The following ITPR2 variants were observed in gnomAD, a reference collection of about 807,000 sequenced individuals.
ITPR2 encodes inositol 1,4,5-trisphosphate-gated calcium channel ITPR2.
A neutral mutation model predicts 317.1 loss-of-function variants in ITPR2; 207 were observed. That is an observed-to-expected ratio of 0.65 (90% confidence interval 0.58 to 0.73). ITPR2 has a LOEUF of 0.73. Ranked by LOEUF, ITPR2 falls within the 30% of genes least tolerant of loss-of-function variation. The pLI, the probability that ITPR2 is intolerant of heterozygous loss-of-function variation, is 0.00. For missense variants in ITPR2, 2,613 were observed against 3,284.0 expected (o/e 0.80, Z 4.99); for synonymous variants, 1,156 against 1,149.1 (o/e 1.01, Z -0.12).
At chr12:26,468,571 A>G (rs1247299566) in intron 45 of ITPR2, among the ~76,000 whole-genome samples, 28 of 151,596 alleles carry the variant, frequency 1.8e-4, no homozygotes, top group Admixed American at 1.3e-4. Flanking sequence ...AGAAACAGAA[A>G]AAAAAAAAAA....
chr12:26,488,971 G>A (rs1942734716), intron 39 of ITPR2, among the ~76,000 whole-genome samples: 1 of 152,110 alleles, frequency 6.6e-6, no homozygotes, highest in African/African-American at 2.4e-5. Context: ...CTAGTAAGGG[G>A]TAGAGCTAGG....
intron 37 of ITPR2, among the ~76,000 whole-genome samples, chr12:26,535,541 G>A (rs1944066456): frequency 6.6e-6 from 1 of 152,188 alleles, no homozygotes; most frequent in South Asian, 2.1e-4. Context: ...TGGTTCTAAA[G>A]TTTATAGCTT....
At chr12:26,574,907 G>T (rs550795353) in intron 34 of ITPR2, among the ~76,000 whole-genome samples, 10 of 151,994 alleles carry the variant, frequency 6.6e-5, no homozygotes, top group Admixed American at 2.6e-4. Flanking sequence ...GACCATTCAT[G>T]ACAGATCTGT....
chr12:26,391,718 C>T (rs1939855952), intron 54 of ITPR2, among the ~76,000 whole-genome samples: 1 of 151,806 alleles, frequency 6.6e-6, no homozygotes, highest in African/African-American at 2.4e-5. Flanking sequence ...GAATGTGCCA[C>T]CACGCCCAAT....
rs1945342295 is a variant in ITPR2 at position 26,579,346 on chromosome 12, A to G, written c.4510-513T>C. On this transcript the variant is annotated intron_variant, in intron 33 of 56. Coordinates refer to ENST00000381340, the MANE Select transcript of ITPR2 (RefSeq NM_002223.4). ...TCACTGTAGAATATTTGTGGACCAC[A>G]GAAATGAAAATCATCAAGAATGCTA... Among the ~76,000 whole-genome samples, 3 of 152,234 alleles carry G rather than the reference A, an allele frequency of 2.0e-5. No homozygotes were observed. The South Asian group carries it at 6.2e-4, about 31-fold the overall frequency.
chr12:26,596,363 T>C (rs1167309815), intron 31 of ITPR2, among the ~76,000 whole-genome samples: 2 of 152,216 alleles, frequency 1.3e-5, no homozygotes, highest in African/African-American at 2.4e-5. Context: ...AAGTTTCTCA[T>C]AGGCTGGCTG....
intron 3 of ITPR2, 39 bp downstream of exon 3, chr12:26,725,611 G>T: frequency 1.5e-6 from 2 of 1,344,346 alleles, no homozygotes; most frequent in Non-Finnish European, 2.1e-6. Context: ...TGCTGTACTT[G>T]GTTAGCCTAA....
rs572555076 is a variant in ITPR2, at chr12:26,442,389, T to C, written c.6450+1154A>G. On this transcript the variant is annotated intron_variant, in intron 46 of 56. Transcript: ENST00000381340. ...AGAGAGTAAGTGCTCAGTAAACATG[T>C]ACTGAATGTGTGTATTTATAGCTAA... is the stretch of plus-strand genomic sequence containing the variant. Among the ~76,000 whole-genome samples the C allele has an allele frequency of 3.1e-4, 47 of 152,288 alleles. No individual in the cohort carries two copies. The South Asian group carries it at 5.2e-3, about 17-fold the overall frequency.
intron 52 of ITPR2, chr12:26,400,722 G>A (rs1251970186): frequency 6.6e-6 from 1 of 152,336 alleles, no homozygotes; most frequent in Non-Finnish European, 1.5e-5. Context: ...GTTATGGTAG[G>A]AAGAGATTGT....
intron 2 of ITPR2, among the ~76,000 whole-genome samples, chr12:26,761,085 C>T (rs115750920): frequency 0.017 from 2,598 of 152,248 alleles, 77 homozygotes; most frequent in African/African-American, 0.06. Context: ...CCCATGGTTA[C>T]AGGTTTCAAG....
At chr12:26,587,917 G>T (rs1017979365) in intron 32 of ITPR2, among the ~76,000 whole-genome samples, 1 of 152,216 alleles carries the variant, frequency 6.6e-6, no homozygotes, top group African/African-American at 2.4e-5. Context: ...GTGTTCAGGA[G>T]TAGTCAAATT....
chr12:26,494,676 A>G (rs1942891613), intron 38 of ITPR2, among the ~76,000 whole-genome samples: 2 of 146,654 alleles, frequency 1.4e-5, no homozygotes, highest in South Asian at 4.5e-4. Flanking sequence ...AGGCTGAGGC[A>G]GGAGAATTGC....
chr12:26,346,795 G>A (rs943718876), intron 55 of ITPR2, among the ~76,000 whole-genome samples: 1 of 152,108 alleles, frequency 6.6e-6, no homozygotes, highest in Non-Finnish European at 1.5e-5. Context: ...GATATAAGGA[G>A]GAAGAAAGCC....
intron 2 of ITPR2, among the ~76,000 whole-genome samples, chr12:26,769,119 C>G (rs1949794702): frequency 6.6e-6 from 1 of 152,110 alleles, no homozygotes; most frequent in Non-Finnish European, 1.5e-5. Flanking sequence ...GCATAAGTCT[C>G]TCTTTGCAGG....
Position 26,630,439 on chromosome 12 carries a change from TGGG to T in ITPR2, c.2934+1424_2934+1426del, listed in dbSNP as rs550291307. On this transcript the variant is annotated intron_variant, in intron 22 of 56. Coordinates refer to ENST00000381340, the MANE Select transcript of ITPR2 (RefSeq NM_002223.4). Reference sequence around the variant, plus strand: ...AGGCTGAGAGAGATACACAAAGTGATGGGGGGGAAAAAAAAAAAGAAGACCCAG... The same window carrying T: ...AGGCTGAGAGAGATACACAAAGTGATGGGGAAAAAAAAAAAGAAGACCCAG... 7.9e-3 allele frequency among the ~76,000 whole-genome samples: 1,037 copies of T among 130,654 alleles called. 11 individuals carry two copies. Among genetic ancestry groups the T allele is most frequent in the African/African-American group, 0.027 (953 of 35,618 alleles). 85.7% of individuals were successfully genotyped at this position (130,654 alleles called of 152,430 possible). A position where few individuals can be genotyped will look rare whatever the true frequency, so the allele number is the denominator to read the frequency against.
intron 45 of ITPR2, among the ~76,000 whole-genome samples, chr12:26,444,520 G>C (rs1291979949): frequency 6.6e-6 from 1 of 152,088 alleles, no homozygotes; most frequent in East Asian, 1.9e-4. Context: ...AGCACTTCAA[G>C]TACATGATCT....
chr12:26,614,398 A>G (rs1946332422), intron 26 of ITPR2, among the ~76,000 whole-genome samples: 1 of 152,198 alleles, frequency 6.6e-6, no homozygotes, highest in Non-Finnish European at 1.5e-5. Flanking sequence ...ATGTGGTCTC[A>G]GGCTAGCAGC....
intron 55 of ITPR2, among the ~76,000 whole-genome samples, chr12:26,359,357 A>T (rs1486882539): frequency 1.3e-5 from 2 of 152,230 alleles, no homozygotes; most frequent in Non-Finnish European, 2.9e-5. Flanking sequence ...GGCATCATCC[A>T]AATGAGAGGA....
At chr12:26,602,294 T>C (rs1714426812) in intron 28 of ITPR2, 76 bp downstream of exon 28, 4 of 1,499,544 alleles carry the variant, frequency 2.7e-6, no homozygotes, top group Non-Finnish European at 3.6e-6. Flanking sequence ...AAAGAAAAAA[T>C]TTCTTGGAAC....
Sources: gnomAD v4.1 joint callset for allele counts (sites outside exome capture counted in the v4.1 genomes callset) on GRCh38, gnomAD v4.1.1 for gene constraint, MANE v1.5 for transcripts, NCBI Gene and HGNC (gene_info 2026-07-23, HGNC 2026-07-21) for gene names.